The following ERBB4 variants were observed in gnomAD, a reference collection of about 807,000 sequenced individuals.
ERBB4 encodes the protein erb-b2 receptor tyrosine kinase 4.
A neutral mutation model predicts 158.0 loss-of-function variants in ERBB4; 42 were observed. The observed-to-expected ratio is 0.27, with a 90% CI of 0.21 to 0.34. The LOEUF (loss-of-function observed/expected upper bound fraction) is 0.34. ERBB4 is among the 10% of genes least tolerant of loss of function. The pLI, the probability that ERBB4 is intolerant of heterozygous loss-of-function variation, is 1.00. For missense variants in ERBB4, 1,333 were observed against 1,624.1 expected, an observed-to-expected ratio of 0.82 and a Z score of 3.08; for synonymous variants, 583 against 558.7, an observed-to-expected ratio of 1.04 and a Z score of -0.61.
intron 2 of ERBB4, among the ~76,000 whole-genome samples, chr2:212,042,864 G>T (rs1321894946): frequency 1.3e-5 from 2 of 152,084 alleles, no homozygotes; most frequent in Admixed American, 6.6e-5. Context: ...TTTTATAAGA[G>T]AACTAAATCT....
intron 20 of ERBB4, among the ~76,000 whole-genome samples, chr2:211,447,465 G>C (rs1251865688): frequency 6.6e-6 from 1 of 152,084 alleles, no homozygotes; most frequent in African/African-American, 2.4e-5. Context: ...AAATAAAATG[G>C]GGTGGAGTTT....
chr2:211,722,994 G>C (rs746796693), intron 6 of ERBB4, among the ~76,000 whole-genome samples: 20 of 152,198 alleles, frequency 1.3e-4, no homozygotes, highest in Admixed American at 2.6e-4. Context: ...CATTGTGATG[G>C]TGATTTATAT....
intron 1 of ERBB4, among the ~76,000 whole-genome samples, chr2:212,256,738 A>G (rs945759972): frequency 6.6e-6 from 1 of 152,170 alleles, no homozygotes; most frequent in African/African-American, 2.4e-5. Flanking sequence ...TCCAACCTGG[A>G]TCTACATGAT....
chr2:211,855,297 T>G (rs568026313), intron 3 of ERBB4, among the ~76,000 whole-genome samples: 1 of 152,300 alleles, frequency 6.6e-6, no homozygotes, highest in South Asian at 2.1e-4. Flanking sequence ...TGACTTTTCT[T>G]GTCACTCTTA....
At chr2:212,024,236 G>C (rs1192505479) in intron 2 of ERBB4, among the ~76,000 whole-genome samples, 1 of 151,742 alleles carries the variant, frequency 6.6e-6, no homozygotes, top group African/African-American at 2.4e-5. Context: ...GAAATGACTG[G>C]CTCTTTCATT....
intron 20 of ERBB4, among the ~76,000 whole-genome samples, chr2:211,546,657 T>C (rs2066947927): frequency 6.6e-6 from 1 of 152,112 alleles, no homozygotes; most frequent in Non-Finnish European, 1.5e-5. Flanking sequence ...GATATAATAC[T>C]ACCTGTTTGG....
intron 3 of ERBB4, among the ~76,000 whole-genome samples, chr2:211,832,382 T>G (rs1408472140): frequency 6.6e-6 from 1 of 152,078 alleles, no homozygotes; most frequent in Non-Finnish European, 1.5e-5. Context: ...TTATTAAAAC[T>G]AAAAATACAT....
At chr2:211,595,742 T>C (rs992467985) in intron 19 of ERBB4, among the ~76,000 whole-genome samples, 1 of 152,152 alleles carries the variant, frequency 6.6e-6, no homozygotes, top group African/African-American at 2.4e-5. Context: ...ATTAGCAGGT[T>C]TCACATATGC....
chr2:211,395,257 C>G (rs1031458155), intron 25 of ERBB4, among the ~76,000 whole-genome samples: 1 of 151,974 alleles, frequency 6.6e-6, no homozygotes, highest in Non-Finnish European at 1.5e-5. Context: ...TGGATGATGA[C>G]TCATGAAAAT....
chr2:211,830,514 A>T lies in ERBB4; in HGVS notation c.422-42355T>A, dbSNP rs1185836659. Reference sequence around the variant, plus strand: ...ATTAGCCTTTAATTTGTTTATTTCTATGTTTGATCTTTTAAATTTCCTACT... The same window carrying T: ...ATTAGCCTTTAATTTGTTTATTTCTTTGTTTGATCTTTTAAATTTCCTACT... On this transcript the variant is annotated intron_variant, in intron 3 of 27. Coordinates refer to ENST00000342788, the MANE Select transcript of ERBB4 (RefSeq NM_005235.3). Among the ~76,000 whole-genome samples the T allele has an allele frequency of 2.0e-5, 3 of 152,038 alleles. No individual in the cohort carries two copies. The East Asian group carries it at 5.8e-4, about 29-fold the overall frequency.
At chr2:211,983,646 T>G (rs941651349) in intron 2 of ERBB4, among the ~76,000 whole-genome samples, 1 of 152,178 alleles carries the variant, frequency 6.6e-6, no homozygotes, top group African/African-American at 2.4e-5. Context: ...CAGCATGTCA[T>G]ATTTAGAAAT....
At chr2:211,807,388 G>A (rs559250283) in intron 3 of ERBB4, among the ~76,000 whole-genome samples, 6 of 152,182 alleles carry the variant, frequency 3.9e-5, no homozygotes, top group South Asian at 4.2e-4. Context: ...TTGAGAACAC[G>A]CGATGTTTGG....
intron 1 of ERBB4, among the ~76,000 whole-genome samples, chr2:212,140,273 A>T (rs2080409321): frequency 6.6e-6 from 1 of 150,752 alleles, no homozygotes; most frequent in East Asian, 1.9e-4. Flanking sequence ...ATATATACAT[A>T]AAAATATTAG....
intron 16 of ERBB4, among the ~76,000 whole-genome samples, chr2:211,633,781 C>A (rs921041712): frequency 6.0e-5 from 9 of 150,924 alleles, no homozygotes; most frequent in Admixed American, 2.6e-4. Context: ...CCAGGCCAAA[C>A]TACCTAAGCA....
chr2:211,588,023 C>T (rs2068339531), intron 19 of ERBB4, among the ~76,000 whole-genome samples: 2 of 152,064 alleles, frequency 1.3e-5, no homozygotes, highest in Non-Finnish European at 2.9e-5. Flanking sequence ...TGATCTACAG[C>T]TGTTTGAAGA....
chr2:212,453,744 C>T (rs1425157851), intron 1 of ERBB4, among the ~76,000 whole-genome samples: 1 of 151,942 alleles, frequency 6.6e-6, no homozygotes, highest in Non-Finnish European at 1.5e-5. Context: ...TTACACATTG[C>T]TAAAAGAAAT....
In ERBB4 at chr2:212,498,008, C is replaced by G. The variant is rs148105244; in HGVS notation, c.82+40441G>C. Among the ~76,000 whole-genome samples, 4 of 152,250 alleles carry G rather than the reference C, an allele frequency of 2.6e-5. No homozygotes were observed. The East Asian group carries it at 7.7e-4, about 29-fold the overall frequency. On this transcript the variant is annotated intron_variant, in intron 1 of 27. Transcript: ENST00000342788. Reference sequence around the variant, plus strand: ...CTTTAGATAGGACCAGCACTCAGTTCCTACCACTTTTATTGCTTCCCTAAT... The same window carrying G: ...CTTTAGATAGGACCAGCACTCAGTTGCTACCACTTTTATTGCTTCCCTAAT...
chr2:211,593,737 G>A (rs916834961), intron 19 of ERBB4, among the ~76,000 whole-genome samples: 1 of 152,100 alleles, frequency 6.6e-6, no homozygotes, highest in Non-Finnish European at 1.5e-5. Flanking sequence ...TACACTATGT[G>A]CAAAACAACC....
chr2:211,469,511 T>C (rs2064779591), intron 20 of ERBB4, among the ~76,000 whole-genome samples: 1 of 152,144 alleles, frequency 6.6e-6, no homozygotes, highest in African/African-American at 2.4e-5. Flanking sequence ...AAAAAGCTAG[T>C]CCATTAAATA....
Sources: gnomAD v4.1 joint callset for allele counts (sites outside exome capture counted in the v4.1 genomes callset) on GRCh38, gnomAD v4.1.1 for gene constraint, MANE v1.5 for transcripts, NCBI Gene and HGNC (gene_info 2026-07-23, HGNC 2026-07-21) for gene names.